The following ARFGEF3 variants were observed in gnomAD, a reference collection of about 807,000 sequenced individuals.
The protein encoded by ARFGEF3 is ARFGEF family member 3.
In ARFGEF3, 96 loss-of-function variants were observed where a neutral mutation model predicts 221.7. That is an observed-to-expected ratio of 0.43 (90% CI 0.37 to 0.51). The LOEUF is 0.51. ARFGEF3 is among the 20% of genes least tolerant of loss of function. ARFGEF3 has a pLI of 0.00. For missense variants in ARFGEF3, 2,410 were observed against 2,789.9 expected (o/e 0.86, Z 3.07); for synonymous variants, 1,145 against 1,126.8 (o/e 1.02, Z -0.32).
chr6:138,336,228 C>T (rs1252529925), intron 33 of ARFGEF3, 67 bp from the exon 34 acceptor site: 4 of 1,240,690 alleles, frequency 3.2e-6, no homozygotes, highest in Non-Finnish European at 4.3e-6. Flanking sequence ...ATTGGCAGGG[C>T]CACTCTCAAG....
chr6:138,301,035 A>G (rs1297147108), intron 22 of ARFGEF3, among the ~76,000 whole-genome samples: 1 of 152,248 alleles, frequency 6.6e-6, no homozygotes, highest in Non-Finnish European at 1.5e-5. Flanking sequence ...AGTTTAAAAA[A>G]CAAACAATAA....
chr6:138,261,709 T>C, intron 11 of ARFGEF3, 70 bp downstream of exon 11: 1 of 828,406 alleles, frequency 1.2e-6, no homozygotes, highest in Non-Finnish European at 1.8e-6. Context: ...TGCTTACAAG[T>C]CCCTGAAATT....
At chr6:138,265,584 T>C (rs2114596139) in intron 12 of ARFGEF3, among the ~76,000 whole-genome samples, 1 of 152,288 alleles carries the variant, frequency 6.6e-6, no homozygotes, top group Non-Finnish European at 1.5e-5. Context: ...CATTCTCTTA[T>C]TGAACATTCT....
At chr6:138,171,368 T>C (rs1776826941) in intron 2 of ARFGEF3, among the ~76,000 whole-genome samples, 1 of 148,648 alleles carries the variant, frequency 6.7e-6, no homozygotes, top group South Asian at 2.1e-4. Context: ...AAAACTTATG[T>C]GAAGGAGTAG....
chr6:138,254,124 AG>A (rs1316938541), intron 9 of ARFGEF3, 140 bp downstream of exon 9: 1 of 585,710 alleles, frequency 1.7e-6, no homozygotes, highest in East Asian at 3.2e-5. Context: ...GAGGGAAAGC[AG>A]GGAAATTGTG....
At chr6:138,305,073 T>TAA (rs201263639) in intron 22 of ARFGEF3, among the ~76,000 whole-genome samples, 1 of 141,088 alleles carries the variant, frequency 7.1e-6, no homozygotes, top group Non-Finnish European at 1.6e-5. Flanking sequence ...TTTCATAAAT[T>TAA]AAAAAAAAAA....
chr6:138,209,863 A>G, intron 3 of ARFGEF3, 47 bp from the exon 4 acceptor site: 1 of 1,602,968 alleles, frequency 6.2e-7, no homozygotes, highest in Non-Finnish European at 8.5e-7. Flanking sequence ...CAAATAAGGC[A>G]GCAGGGGAGA....
intron 4 of ARFGEF3, among the ~76,000 whole-genome samples, chr6:138,220,421 T>C (rs890122188): frequency 6.6e-6 from 1 of 152,214 alleles, no homozygotes; most frequent in South Asian, 2.1e-4. Flanking sequence ...AATTTTTTAT[T>C]TTTATTTTTC....
At chr6:138,285,562 G>A (rs1223143190) in intron 14 of ARFGEF3, among the ~76,000 whole-genome samples, 1 of 152,108 alleles carries the variant, frequency 6.6e-6, no homozygotes, top group East Asian at 1.9e-4. Context: ...ATGTAAGGAA[G>A]CTCTGAAACT....
chr6:138,223,932 T>C (rs1372601434), intron 4 of ARFGEF3, among the ~76,000 whole-genome samples: 1 of 152,210 alleles, frequency 6.6e-6, no homozygotes, highest in Non-Finnish European at 1.5e-5. Flanking sequence ...AGATAAGAGA[T>C]TATCTTATTT....
chr6:138,241,452 T>C (rs751468174), intron 6 of ARFGEF3, among the ~76,000 whole-genome samples: 4 of 152,238 alleles, frequency 2.6e-5, no homozygotes, highest in Admixed American at 6.5e-5. Flanking sequence ...CCTGCCCTTC[T>C]TCCTACATGC....
chr6:138,298,741 C>A lies in ARFGEF3; in HGVS notation c.3784C>A (p.Arg1262Ser). ...FNEALFRPFERIMQLELCDED... is the reference protein window; with the variant it reads ...FNEALFRPFESIMQLELCDED... The stretch of plus-strand genomic sequence containing the variant: ...TGAAGCACTCTTCCGACCTTTCGAG[C>A]GCATTATGCAGCTGGAATTGTGTGA... The change falls in exon 22 of 34, where the codon CGC becomes AGC. Residue 1262 changes from arginine to serine, a missense_variant. This residue lies in a region of ARFGEF3 where 723 missense variants were observed against 991.9 expected (regional missense o/e 0.73). Coordinates refer to ENST00000251691, the MANE Select transcript of ARFGEF3 (RefSeq NM_020340.5). 6.2e-7 allele frequency: 1 copy of A among 1,613,418 alleles called. No individual in the cohort carries two copies. The highest frequency in any genetic ancestry group is 8.5e-7 in the Non-Finnish European group (1 of 1,179,772).
chr6:138,230,372 T>C (rs2114533949), intron 5 of ARFGEF3, among the ~76,000 whole-genome samples: 1 of 152,324 alleles, frequency 6.6e-6, no homozygotes, highest in Non-Finnish European at 1.5e-5. Flanking sequence ...CAAGAATATG[T>C]CCAACAGAAA....
At chr6:138,256,390 A>G (rs191037695) in intron 10 of ARFGEF3, among the ~76,000 whole-genome samples, 2 of 152,300 alleles carry the variant, frequency 1.3e-5, no homozygotes, top group East Asian at 3.9e-4. Context: ...CAGAAAAGTC[A>G]TCAGTGTTTT....
chr6:138,254,428 A>C lies in ARFGEF3; in HGVS notation c.770+444A>C, dbSNP rs189623873. 7.9e-5 allele frequency among the ~76,000 whole-genome samples: 12 copies of C among 151,230 alleles called. 1 individual carries two copies. The highest frequency in any genetic ancestry group is 2.9e-4 in the African/African-American group (12 of 41,308). ...AGCAAGACTCTGTCCCAAAAAAAAA[A>C]AAAAATTAAATAATAATAATAATAA... On this transcript the variant is annotated intron_variant, in intron 9 of 33. Coordinates refer to ENST00000251691, the MANE Select transcript of ARFGEF3 (RefSeq NM_020340.5).
chr6:138,182,030 G>A (rs532733654), intron 2 of ARFGEF3, among the ~76,000 whole-genome samples: 1 of 152,218 alleles, frequency 6.6e-6, no homozygotes, highest in South Asian at 2.1e-4. Flanking sequence ...AGAAGGGTGG[G>A]TGCAGACTAG....
intron 2 of ARFGEF3, among the ~76,000 whole-genome samples, chr6:138,194,092 A>AC (rs796254151): frequency 7.9e-5 from 12 of 152,078 alleles, no homozygotes; most frequent in African/African-American, 2.9e-4. Context: ...ACATGATGAA[A>AC]CCCCGTCTCT....
Position 138,162,015 on chromosome 6 carries a change from G to C in ARFGEF3, c.-72G>C. On this transcript the variant is annotated 5_prime_UTR_variant, in exon 1 of 34. Transcript: ENST00000251691. This position sits in a 1 kb window ranked among gnomAD's most constrained non-coding sequence, Gnocchi z 4.7. The stretch of plus-strand genomic sequence containing the variant: ...GCCTAGGCGCCCAGGGCCAGGCAGC[G>C]GCGGCTTCCCCGGCCCGGCTCGCCC... 1 of 1,140,246 alleles carries C rather than the reference G, an allele frequency of 8.8e-7. No individual in the cohort carries two copies. Among genetic ancestry groups the C allele is most frequent in the Non-Finnish European group, 1.2e-6 (1 of 828,068 alleles). 70.6% of individuals were successfully genotyped at this position (1,140,246 alleles called of 1,614,324 possible). A position where few individuals can be genotyped will look rare whatever the true frequency, so the allele number is the denominator to read the frequency against.
chr6:138,238,648 C>G lies in ARFGEF3; in HGVS notation c.543+17C>G. 1 of 1,611,560 alleles carries G rather than the reference C, an allele frequency of 6.2e-7. No individual in the cohort carries two copies. The highest frequency in any genetic ancestry group is 2.2e-5 in the East Asian group (1 of 44,836). ...GAGAATACGGTGAGTCTGTGACACC[C>G]CCATGTTCATCACCTTCCTGGTGGT... On this transcript the variant is annotated intron_variant, in intron 6 of 33. Coordinates refer to ENST00000251691, the MANE Select transcript of ARFGEF3 (RefSeq NM_020340.5).
Sources: allele counts gnomAD v4.1 joint callset (sites outside exome capture counted in the v4.1 genomes callset), GRCh38; gene constraint gnomAD v4.1.1; regional missense constraint gnomAD v4.1.1; non-coding constraint Gnocchi (gnomAD v3.1); transcripts MANE v1.5; gene names NCBI Gene and HGNC (gene_info 2026-07-23, HGNC 2026-07-21).